Variants in SPTBN1 observed in about 807,000 individuals in gnomAD.
The protein encoded by SPTBN1 is spectrin beta chain, non-erythrocytic 1.
SPTBN1 carries 32 observed loss-of-function variants against 266.4 expected under a neutral mutation model. That is an observed-to-expected ratio of 0.12 (90% CI 0.09 to 0.16). SPTBN1 has a LOEUF of 0.16. SPTBN1 is among the 10% of genes least tolerant of loss of function. The probability of loss-of-function intolerance (pLI) is 1.00; values close to 1 mark genes in which losing one functional copy is unlikely to be tolerated. For missense variants in SPTBN1, 2,296 were observed against 3,067.1 expected, an observed-to-expected ratio of 0.75 and a Z score of 5.94; for synonymous variants, 1,336 against 1,162.2, an observed-to-expected ratio of 1.15 and a Z score of -3.04.
At position 54,612,186 on chromosome 2, in the gene SPTBN1, G is replaced by A. The variant is rs1677265167; in HGVS notation, c.326G>A (p.Arg109His). ...CCTAAACCCACCAAGGGACGAATGC[G>A]CATCCACTGCTTAGAGAATGTGGAC... ...RLPKPTKGRM[R>H]IHCLENVDKA... The change falls in exon 4 of 36, where the codon CGC becomes CAC. Residue 109 changes from arginine (R) to histidine (H), a missense_variant. Physicochemically the swap from Arg to His is conservative, Grantham distance 29. Transcript: ENST00000356805. 6.2e-7 allele frequency: 1 copy of A among 1,609,180 alleles called. No individual in the cohort carries two copies. The highest frequency in any genetic ancestry group is 8.5e-7 in the Non-Finnish European group (1 of 1,176,814).
At chr2:54,660,606 A>C in intron 32 of SPTBN1, 1 of 985,506 alleles carries the variant, frequency 1.0e-6, no homozygotes, top group Non-Finnish European at 1.2e-6. Flanking sequence ...TGAAGATGAC[A>C]AAAAAGGGAG....
chr2:54,547,901 T>C, intron 2 of SPTBN1, among the ~76,000 whole-genome samples: 1 of 152,182 alleles, frequency 6.6e-6, no homozygotes, highest in East Asian at 1.9e-4. Context: ...TCCCAGCATT[T>C]GGGAGGCCAA....
chr2:54,506,456 G>T (rs868567116), intron 1 of SPTBN1, among the ~76,000 whole-genome samples: 1 of 150,738 alleles, frequency 6.6e-6, no homozygotes, highest in Non-Finnish European at 1.5e-5. Context: ...TTATCTGTTT[G>T]GTTTTTTTTT....
intron 17 of SPTBN1, among the ~76,000 whole-genome samples, chr2:54,635,817 G>A (rs903896176): frequency 5.3e-5 from 8 of 152,136 alleles, no homozygotes; most frequent in African/African-American, 1.7e-4. Context: ...AAAGATTTGC[G>A]TTCTTGAACT....
At chr2:54,617,799 G>T in intron 6 of SPTBN1, 111 bp downstream of exon 6, 2 of 1,023,388 alleles carry the variant, frequency 2.0e-6, no homozygotes, top group Non-Finnish European at 2.9e-6. Context: ...TCACCGTGGT[G>T]GAAATTTCTG....
chr2:54,513,486 T>G (rs1224452769), intron 1 of SPTBN1, among the ~76,000 whole-genome samples: 7 of 152,150 alleles, frequency 4.6e-5, no homozygotes, highest in Non-Finnish European at 5.9e-5. Flanking sequence ...ACTTATGAAA[T>G]TTCACAACAA....
intron 2 of SPTBN1, chr2:54,527,633 ATTTT>A (rs1670901169): frequency 6.6e-6 from 1 of 152,128 alleles, no homozygotes; most frequent in South Asian, 2.1e-4. Context: ...CTCTGGCTTT[ATTTT>A]CTAGTGCAGG....
At chr2:54,464,528 A>G (rs753931520) in intron 1 of SPTBN1, among the ~76,000 whole-genome samples, 20 of 152,130 alleles carry the variant, frequency 1.3e-4, no homozygotes, top group Admixed American at 3.9e-4. Context: ...TTGATGGGTG[A>G]TTTCCTCTCT....
At chr2:54,496,134 T>C (rs10496032) in intron 1 of SPTBN1, among the ~76,000 whole-genome samples, 35,099 of 151,824 alleles carry the variant, frequency 0.23, 4,295 homozygotes, top group African/African-American at 0.3. Context: ...ATCAGAAATA[T>C]GTTAAAAAAA....
At chr2:54,465,014 C>G (rs573526096) in intron 1 of SPTBN1, among the ~76,000 whole-genome samples, 1 of 151,890 alleles carries the variant, frequency 6.6e-6, no homozygotes, top group East Asian at 1.9e-4. Flanking sequence ...TTTTAATAAT[C>G]AAAAAAGCAA....
At chr2:54,575,903 G>C (rs1469314384) in intron 2 of SPTBN1, among the ~76,000 whole-genome samples, 1 of 152,154 alleles carries the variant, frequency 6.6e-6, no homozygotes, top group South Asian at 2.1e-4. Flanking sequence ...TCCTGAGACA[G>C]GAATTAACCT....
chr2:54,667,014 C>T (rs541157762), intron 34 of SPTBN1, among the ~76,000 whole-genome samples: 12 of 152,302 alleles, frequency 7.9e-5, no homozygotes, highest in South Asian at 4.1e-4. Context: ...TATTAGCGAA[C>T]GGCCCCTACC....
intron 1 of SPTBN1, among the ~76,000 whole-genome samples, chr2:54,509,870 C>G (rs949058668): frequency 2.0e-5 from 3 of 152,030 alleles, no homozygotes; most frequent in African/African-American, 7.2e-5. Context: ...TGGCTGCCGC[C>G]TCACTGTGTC....
intron 2 of SPTBN1, chr2:54,557,841 G>T: frequency 1.0e-6 from 1 of 985,362 alleles, no homozygotes; most frequent in South Asian, 4.7e-5. Flanking sequence ...ACCTCCCCTG[G>T]CTGTGGCGCT....
chr2:54,635,779 A>G (rs1007033489), intron 17 of SPTBN1, among the ~76,000 whole-genome samples: 1 of 152,208 alleles, frequency 6.6e-6, no homozygotes, highest in Non-Finnish European at 1.5e-5. Context: ...ATTTGTCACT[A>G]AACTCCAACT....
intron 2 of SPTBN1, among the ~76,000 whole-genome samples, chr2:54,590,201 T>C (rs544802883): frequency 6.6e-6 from 1 of 152,354 alleles, no homozygotes; most frequent in South Asian, 2.1e-4. Flanking sequence ...ACCACAAAAT[T>C]GCATTTTTAT....
At position 54,664,659 on chromosome 2, in the gene SPTBN1, G is replaced by A. The variant is rs776179358; in HGVS notation, c.6627G>A (p.Glu2209=). The change falls in exon 33 of 36, where the codon GAG becomes GAA. Residue 2209 remains glutamate (E), a synonymous_variant. Transcript: ENST00000356805. The surrounding 1 kb of genome is among the most constrained non-coding windows in gnomAD (Gnocchi z 5.6). ...AAGGCTTCCTCAATCGGAAACACGA[G>A]TGGGAGGCCCACAATAAGAAAGCCT... is the stretch of plus-strand genomic sequence containing the variant. ...QMEGFLNRKH[E]WEAHNKKASS... The A allele has an allele frequency of 1.9e-6, 3 of 1,614,172 alleles. No homozygotes were observed. Among genetic ancestry groups the A allele is most frequent in the East Asian group, 2.2e-5 (1 of 44,884 alleles).
At chr2:54,640,978 GCAGTATATCTA>G (rs1364283410) in intron 18 of SPTBN1, among the ~76,000 whole-genome samples, 1 of 152,226 alleles carries the variant, frequency 6.6e-6, no homozygotes, top group Non-Finnish European at 1.5e-5. Flanking sequence ...TTCCAGGAAG[GCAGTATATCTA>G]CATGTGTCTG....
At chr2:54,590,449 G>A (rs954158795) in intron 2 of SPTBN1, among the ~76,000 whole-genome samples, 1 of 152,188 alleles carries the variant, frequency 6.6e-6, no homozygotes, top group African/African-American at 2.4e-5. Flanking sequence ...TTTATGTCAT[G>A]TATATGCTAA....
Sources: gnomAD v4.1 joint callset for allele counts (sites outside exome capture counted in the v4.1 genomes callset) on GRCh38, gnomAD v4.1.1 for gene constraint, Gnocchi (gnomAD v3.1) non-coding constraint, MANE v1.5 for transcripts, NCBI Gene and HGNC (gene_info 2026-07-23, HGNC 2026-07-21) for gene names.